Variants in KCNQ1 observed in about 807,000 individuals in gnomAD.
The protein encoded by KCNQ1 is potassium voltage-gated channel subfamily Q member 1.
Under a neutral mutation model 72.4 loss-of-function variants are expected in KCNQ1, and 49 were observed. That is an observed-to-expected ratio of 0.68 (90% CI 0.54 to 0.86). The LOEUF is 0.86. Among genes scored for constraint, KCNQ1 ranks in the 40% least tolerant of loss-of-function variants. The pLI is 0.00. For missense variants in KCNQ1, 790 were observed against 945.1 expected (o/e 0.84, Z 2.15); for synonymous variants, 450 against 412.6 (o/e 1.09, Z -1.10).
At chr11:2,718,473 G>C (rs1392212863) in intron 11 of KCNQ1, among the ~76,000 whole-genome samples, 5 of 152,224 alleles carry the variant, frequency 3.3e-5, no homozygotes, top group Non-Finnish European at 7.3e-5. Context: ...GATGAGCAGA[G>C]GGGAGGACAG....
In KCNQ1 at chr11:2,803,161, C is replaced by CTT. The variant is rs1554925303; in HGVS notation, c.1794+25124_1794+25125insTT. ...CCCAGAAAACCCAGCCGGGCCCCCC[C>CTT]CCCCACGGGCACCCAGGAACCGCCC... On this transcript the variant is annotated intron_variant, in intron 15 of 15. Coordinates refer to ENST00000155840, the MANE Select transcript of KCNQ1 (RefSeq NM_000218.3). This position sits in a 1 kb window ranked among gnomAD's most constrained non-coding sequence, Gnocchi z 6.4. Among the ~76,000 whole-genome samples the CTT allele has an allele frequency of 6.6e-6, 1 of 150,700 alleles. No individual in the cohort carries two copies. The highest frequency in any genetic ancestry group is 1.5e-5 in the Non-Finnish European group (1 of 67,910).
At chr11:2,737,174 G>C (rs1364975879) in intron 11 of KCNQ1, among the ~76,000 whole-genome samples, 2 of 152,190 alleles carry the variant, frequency 1.3e-5, no homozygotes, top group East Asian at 1.9e-4. Flanking sequence ...GGGAAATTCT[G>C]GGGGGAGTGT....
chr11:2,463,367 C>T lies in KCNQ1; in HGVS notation c.386+17883C>T, dbSNP rs991915958. Reference sequence around the variant, plus strand: ...CATTTGCCCCCTCTATCCCCCAGATCGGCGGCTGCTCAAGGAGCCTGGTAC... The same window carrying T: ...CATTTGCCCCCTCTATCCCCCAGATTGGCGGCTGCTCAAGGAGCCTGGTAC... On this transcript the variant is annotated intron_variant, in intron 1 of 15. Coordinates refer to ENST00000155840, the MANE Select transcript of KCNQ1 (RefSeq NM_000218.3). The surrounding 1 kb of genome is among the most constrained non-coding windows in gnomAD (Gnocchi z 7.0). Among the ~76,000 whole-genome samples, 1 of 152,198 alleles carries T rather than the reference C, an allele frequency of 6.6e-6. No homozygotes were observed. The highest frequency in any genetic ancestry group is 2.4e-5 in the African/African-American group (1 of 41,442).
At chr11:2,847,672 C>T in intron 15 of KCNQ1, 95 bp from the exon 16 acceptor site, 1 of 1,196,402 alleles carries the variant, frequency 8.4e-7, no homozygotes, top group East Asian at 2.5e-5. Flanking sequence ...CGGTTGGCAC[C>T]TTCCCTTCTC....
At position 2,663,432 on chromosome 11, in the gene KCNQ1, G is replaced by A. The variant is rs2073957; in HGVS notation, c.1514+1351G>A. ...TGGCCAAGGCCTGTACCAAGTCCTG[G>A]ATATGATGGACCTCCAAAGTGATCA... On this transcript the variant is annotated intron_variant, in intron 11 of 15. Coordinates refer to ENST00000155840, the MANE Select transcript of KCNQ1 (RefSeq NM_000218.3). The surrounding 1 kb of genome is among the most constrained non-coding windows in gnomAD (Gnocchi z 5.2). 1,067 of 398,804 alleles carry A rather than the reference G, an allele frequency of 2.7e-3. 28 individuals are homozygous for A. In the East Asian group the frequency reaches 0.038, roughly 14 times the overall value. 24.7% of individuals were successfully genotyped at this position (398,804 alleles called of 1,614,324 possible).
At chr11:2,736,333 G>A (rs903173902) in intron 11 of KCNQ1, among the ~76,000 whole-genome samples, 5 of 152,186 alleles carry the variant, frequency 3.3e-5, no homozygotes, top group Non-Finnish European at 7.3e-5. Context: ...GGGGCCCACC[G>A]GGGGCTGTGA....
At position 2,495,702 on chromosome 11, in the gene KCNQ1, CTGTT is replaced by C. The variant is rs373696897; in HGVS notation, c.387-32221_387-32218del. ...TTTGATCGTACTGTGTTCTGAGAGACTGTTTGTTATGATTTCCATTCTTTGGCAT... is the reference window on the plus strand; with the variant it reads ...TTTGATCGTACTGTGTTCTGAGAGACTGTTATGATTTCCATTCTTTGGCAT... On this transcript the variant is annotated intron_variant, in intron 1 of 15. Transcript: ENST00000155840. This position sits in a 1 kb window ranked among gnomAD's most constrained non-coding sequence, Gnocchi z 4.6. Among the ~76,000 whole-genome samples, 1,487 of 152,278 alleles carry C rather than the reference CTGTT, an allele frequency of 9.8e-3. 20 individuals are homozygous for C. The highest frequency in any genetic ancestry group is 0.034 in the African/African-American group (1,433 of 41,554).
chr11:2,699,478 G>A, intron 11 of KCNQ1: 1 of 382,410 alleles, frequency 2.6e-6, no homozygotes, highest in Non-Finnish European at 4.6e-6. Context: ...CCGCGCTGAG[G>A]AGCCCCCGGG....
At chr11:2,838,240 C>T (rs892790030) in intron 15 of KCNQ1, among the ~76,000 whole-genome samples, 61 of 152,186 alleles carry the variant, frequency 4.0e-4, no homozygotes, top group African/African-American at 1.1e-3. Flanking sequence ...CTGGCAGGGT[C>T]GGGGGACAGG....
At position 2,445,269 on chromosome 11, in the gene KCNQ1, C is replaced by T; in HGVS notation, c.171C>T (p.Gly57=). 1 of 1,229,670 alleles carries T rather than the reference C, an allele frequency of 8.1e-7. No homozygotes were observed. The highest frequency in any genetic ancestry group is 1.0e-6 in the Non-Finnish European group (1 of 990,992). 76.2% of individuals were successfully genotyped at this position (1,229,670 alleles called of 1,614,324 possible). A position where few individuals can be genotyped will look rare whatever the true frequency, so the allele number is the denominator to read the frequency against. The change falls in exon 1 of 16, where the codon GGC becomes GGT. Residue 57 remains glycine (G), a synonymous_variant. Transcript: ENST00000155840. ...GGALYAPIAP[G]APGPAPPASP... Reference sequence around the variant, plus strand: ...CGCTCTACGCGCCCATCGCGCCCGGCGCCCCAGGTCCCGCGCCCCCTGCGT... The same window carrying T: ...CGCTCTACGCGCCCATCGCGCCCGGTGCCCCAGGTCCCGCGCCCCCTGCGT...
rs867926242 is a variant in KCNQ1, at chr11:2,526,932, G to A, written c.387-996G>A. On this transcript the variant is annotated intron_variant, in intron 1 of 15. Coordinates refer to ENST00000155840, the MANE Select transcript of KCNQ1 (RefSeq NM_000218.3). This position sits in a 1 kb window ranked among gnomAD's most constrained non-coding sequence, Gnocchi z 6.1. ...GTTTGTGTCTCCCCTGGCCCTGGGG[G>A]CCATGTGGCCATCTCCTGGCTCTCC... Among the ~76,000 whole-genome samples, 1 of 152,034 alleles carries A rather than the reference G, an allele frequency of 6.6e-6. No individual in the cohort carries two copies. Among genetic ancestry groups the A allele is most frequent in the African/African-American group, 2.4e-5 (1 of 41,384 alleles).
Position 2,624,996 on chromosome 11 carries a change from T to C in KCNQ1, c.1393+36142T>C, listed in dbSNP as rs935532248. On this transcript the variant is annotated intron_variant, in intron 10 of 15. Coordinates refer to ENST00000155840, the MANE Select transcript of KCNQ1 (RefSeq NM_000218.3). The surrounding 1 kb of genome is among the most constrained non-coding windows in gnomAD (Gnocchi z 4.9). ...GCTTATCCATTCTTCCATGGACATT[T>C]GGGTTGCATTGATGTTTTAACTGTT... 3 of 398,660 alleles carry C rather than the reference T, an allele frequency of 7.5e-6. No individual in the cohort carries two copies. The highest frequency in any genetic ancestry group is 6.2e-5 in the African/African-American group (3 of 48,764). The allele number at this position is 398,660 out of a possible 1,614,324, so 24.7% of individuals were successfully genotyped here.
At chr11:2,794,699 C>T (rs1226905745) in intron 15 of KCNQ1, among the ~76,000 whole-genome samples, 2 of 152,156 alleles carry the variant, frequency 1.3e-5, no homozygotes, top group African/African-American at 4.8e-5. Flanking sequence ...CTGGAGGAGG[C>T]ACAAGTTCTG....
At position 2,769,717 on chromosome 11, in the gene KCNQ1, A is replaced by G. The variant is rs1846559486; in HGVS notation, c.1590+798A>G. Among the ~76,000 whole-genome samples, 1 of 152,082 alleles carries G rather than the reference A, an allele frequency of 6.6e-6. No individual in the cohort carries two copies. Among genetic ancestry groups the G allele is most frequent in the Admixed American group, 6.5e-5 (1 of 15,280 alleles). On this transcript the variant is annotated intron_variant, in intron 12 of 15. Coordinates refer to ENST00000155840, the MANE Select transcript of KCNQ1 (RefSeq NM_000218.3). The surrounding 1 kb of genome is among the most constrained non-coding windows in gnomAD (Gnocchi z 4.6). ...ATCCAGAAGGCAAAAATCACAAAGC[A>G]GGGAAGGCTGGGGGGTGACTTGCCT...
At chr11:2,487,924 G>C (rs775431099) in intron 1 of KCNQ1, among the ~76,000 whole-genome samples, 13 of 152,106 alleles carry the variant, frequency 8.5e-5, no homozygotes, top group Middle Eastern at 3.2e-3. Flanking sequence ...TAGAAGTGGT[G>C]AAAGTGGTCA....
At chr11:2,610,215 C>T (rs1339262148) in intron 10 of KCNQ1, 1 of 397,652 alleles carries the variant, frequency 2.5e-6, no homozygotes, top group Non-Finnish European at 4.4e-6. Context: ...TATGTATCGT[C>T]TCAAAATTTA....
chr11:2,644,034 C>G (rs1849624641), intron 10 of KCNQ1: 1 of 398,478 alleles, frequency 2.5e-6, no homozygotes, highest in Admixed American at 4.4e-5. Flanking sequence ...ATGATTCTCT[C>G]TTTGTCTTGG....
rs1270000488 is a variant in KCNQ1 at position 2,445,239 on chromosome 11, C to T, written c.141C>T (p.Gly47=). 2 of 1,159,732 alleles carry T rather than the reference C, an allele frequency of 1.7e-6. No individual in the cohort carries two copies. The highest frequency in any genetic ancestry group is 4.3e-5 in the Admixed American group (1 of 23,456). The allele number at this position is 1,159,732 out of a possible 1,614,324, so 71.8% of individuals were successfully genotyped here. ...AGCTGGCGGAGGGCGGCCCGGCGGGCGGCGCGCTCTACGCGCCCATCGCGC... is the reference window on the plus strand; with the variant it reads ...AGCTGGCGGAGGGCGGCCCGGCGGGTGGCGCGCTCTACGCGCCCATCGCGC... ...SLELAEGGPA[G]GALYAPIAPG... Residue 47 remains glycine, a synonymous_variant, in exon 1 of 16, where the codon GGC becomes GGT. Transcript: ENST00000155840.
At chr11:2,466,312 G>C (rs371380283) in intron 1 of KCNQ1, among the ~76,000 whole-genome samples, 4 of 152,096 alleles carry the variant, frequency 2.6e-5, no homozygotes, top group South Asian at 2.1e-4. Context: ...GTGCTTGCTG[G>C]GGGGAGAAGT....
Sources: allele counts gnomAD v4.1 joint callset (sites outside exome capture counted in the v4.1 genomes callset), GRCh38; gene constraint gnomAD v4.1.1; non-coding constraint Gnocchi (gnomAD v3.1); transcripts MANE v1.5; gene names NCBI Gene and HGNC (gene_info 2026-07-23, HGNC 2026-07-21).